The following CALN1 variants were observed in gnomAD, a reference collection of about 807,000 sequenced individuals.
The protein encoded by CALN1 is calcium-binding protein 8.
CALN1 carries 17 observed loss-of-function variants against 30.6 expected under a neutral mutation model. The ratio of observed to expected loss-of-function variants is 0.56; its 90% CI spans 0.38 to 0.83. CALN1 has a LOEUF of 0.83. Among genes scored for constraint, CALN1 ranks in the 40% least tolerant of loss-of-function variants. CALN1 has a pLI of 0.00. For synonymous variants in CALN1, 156 were observed against 131.4 expected, an observed-to-expected ratio of 1.19 and a Z score of -1.28; for missense variants, 291 against 354.9, an observed-to-expected ratio of 0.82 and a Z score of 1.45.
At chr7:71,901,575 C>T (rs1313024153) in intron 5 of CALN1, among the ~76,000 whole-genome samples, 1 of 152,042 alleles carries the variant, frequency 6.6e-6, no homozygotes, top group Non-Finnish European at 1.5e-5. Context: ...AATAGATACA[C>T]AGACCAATGG....
At position 72,317,052 on chromosome 7, in the gene CALN1, AAGAG is replaced by A. The variant is rs767747102; in HGVS notation, c.120-38246_120-38243del. ...GAGGAGGAGGGAAGAGAGAGAGAGA[AAGAG>A]AGAGAGAGAAAGAGAGACACAGAAA... On this transcript the variant is annotated intron_variant, in intron 2 of 6. Coordinates refer to ENST00000395275, the MANE Select transcript of CALN1 (RefSeq NM_031468.4). Among the ~76,000 whole-genome samples, 783 of 136,974 alleles carry A rather than the reference AAGAG, an allele frequency of 5.7e-3. 6 individuals carry two copies. Among genetic ancestry groups the A allele is most frequent in the African/African-American group, 0.015 (534 of 34,534 alleles). The allele number at this position is 136,974 out of a possible 152,430, so 89.9% of individuals were successfully genotyped here.
intron 3 of CALN1, among the ~76,000 whole-genome samples, chr7:72,116,038 A>G (rs1807962807): frequency 6.6e-6 from 1 of 152,168 alleles, no homozygotes; most frequent in African/African-American, 2.4e-5. Context: ...CATTGTGTAT[A>G]TGGACTACAT....
intron 4 of CALN1, among the ~76,000 whole-genome samples, chr7:72,027,950 G>A (rs895904699): frequency 2.2e-4 from 33 of 151,024 alleles, no homozygotes; most frequent in African/African-American, 8.0e-4. Flanking sequence ...TCCCAGCTAC[G>A]TGGGAGGCTG....
At chr7:72,433,471 CT>C (rs1261483522) in intron 1 of CALN1, among the ~76,000 whole-genome samples, 1 of 152,170 alleles carries the variant, frequency 6.6e-6, no homozygotes, top group African/African-American at 2.4e-5. Context: ...TATGCCAAGG[CT>C]GGGAGCCCTC....
At chr7:72,419,262 TCAC>T (rs1807531701) in intron 1 of CALN1, among the ~76,000 whole-genome samples, 2 of 152,194 alleles carry the variant, frequency 1.3e-5, no homozygotes, top group South Asian at 4.2e-4. Context: ...TGGATTGTGA[TCAC>T]CACAACCCAT....
chr7:71,960,171 AAATAAAT>A lies in CALN1; in HGVS notation c.501+63479_501+63485del, dbSNP rs1376779633. ...TAAATAAATAAATAAATAAATAAATAAATAAATAAATAAAATAAAATAAAAAAATAAA... is the reference window on the plus strand; with the variant it reads ...TAAATAAATAAATAAATAAATAAATAAAATAAAATAAAATAAAAAAATAAA... On this transcript the variant is annotated intron_variant, in intron 5 of 6. Transcript: ENST00000395275. 5.5e-3 allele frequency among the ~76,000 whole-genome samples: 750 copies of A among 137,158 alleles called. 9 individuals carry two copies. Among genetic ancestry groups the A allele is most frequent in the African/African-American group, 0.019 (706 of 37,486 alleles). The allele number at this position is 137,158 out of a possible 152,430, so 90.0% of individuals were successfully genotyped here.
chr7:72,172,182 C>CT (rs1289326420), intron 3 of CALN1, among the ~76,000 whole-genome samples: 1 of 152,202 alleles, frequency 6.6e-6, no homozygotes, highest in Non-Finnish European at 1.5e-5. Context: ...ACCAAAGAGT[C>CT]TGAGTTTTTA....
At chr7:72,121,481 T>A (rs2129542239) in intron 3 of CALN1, among the ~76,000 whole-genome samples, 1 of 147,496 alleles carries the variant, frequency 6.8e-6, no homozygotes, top group Non-Finnish European at 1.5e-5. Context: ...GATATATAAT[T>A]ATGTTATTTA....
intron 4 of CALN1, among the ~76,000 whole-genome samples, chr7:72,074,929 T>C (rs373612383): frequency 9.2e-5 from 14 of 152,254 alleles, no homozygotes; most frequent in South Asian, 4.1e-4. Flanking sequence ...GATCTATAAA[T>C]AAACAGAAGT....
intron 5 of CALN1, among the ~76,000 whole-genome samples, chr7:71,998,950 C>T (rs1296569696): frequency 6.6e-6 from 1 of 151,896 alleles, no homozygotes; most frequent in Non-Finnish European, 1.5e-5. Flanking sequence ...AACAAGAATC[C>T]AAGGAACCAA....
At chr7:72,456,411 G>A in the CALN1 span, among the ~76,000 whole-genome samples, 4 of 151,896 alleles carry the variant, frequency 2.6e-5, no homozygotes, top group East Asian at 1.9e-4. Flanking sequence ...GGTGGTACAC[G>A]CCTGTCAGCC....
intron 5 of CALN1, among the ~76,000 whole-genome samples, chr7:71,984,843 A>G (rs1798580280): frequency 6.6e-6 from 1 of 152,210 alleles, no homozygotes; most frequent in Non-Finnish European, 1.5e-5. Context: ...GAAATGAACC[A>G]TGGAGTTGCA....
intron 3 of CALN1, among the ~76,000 whole-genome samples, chr7:72,170,483 AAAAAG>A (rs1788860459): frequency 6.6e-6 from 1 of 152,210 alleles, no homozygotes; most frequent in South Asian, 2.1e-4. Flanking sequence ...CAAAAAGACA[AAAAAG>A]AAGTGAATGA....
chr7:72,305,126 G>C (rs1329029044), intron 2 of CALN1, among the ~76,000 whole-genome samples: 3 of 152,186 alleles, frequency 2.0e-5, no homozygotes, highest in African/African-American at 7.2e-5. Flanking sequence ...ACAGCTGGCT[G>C]TGTCAGCCAG....
upstream of CALN1, among the ~76,000 whole-genome samples, chr7:72,415,234 A>T (rs1221695529): frequency 1.3e-5 from 2 of 152,238 alleles, no homozygotes; most frequent in African/African-American, 4.8e-5. Context: ...AGGTACCTAG[A>T]TCTTTCTCCC....
intron 6 of CALN1, among the ~76,000 whole-genome samples, chr7:71,807,611 T>C (rs952650046): frequency 1.3e-5 from 2 of 152,160 alleles, no homozygotes; most frequent in Admixed American, 6.5e-5. Flanking sequence ...AAATAACAGC[T>C]TTTTTAAATG....
At chr7:71,856,756 A>T (rs1016613002) in intron 5 of CALN1, among the ~76,000 whole-genome samples, 1 of 152,096 alleles carries the variant, frequency 6.6e-6, no homozygotes, top group Non-Finnish European at 1.5e-5. Context: ...GGAGTTCAAG[A>T]CCAGGCTGGC....
chr7:72,421,115 C>T (rs2909982), intron 1 of CALN1, among the ~76,000 whole-genome samples: 135,134 of 152,158 alleles, frequency 0.89, 60,235 homozygotes, highest in East Asian at 1. Flanking sequence ...AGATTCCTTT[C>T]TTAAAAAAAT....
At chr7:72,470,522 G>A in the CALN1 span, among the ~76,000 whole-genome samples, 5 of 152,230 alleles carry the variant, frequency 3.3e-5, no homozygotes, top group East Asian at 9.6e-4. Flanking sequence ...CACTGGAAAT[G>A]TGTGAAATGG....
Sources: allele counts gnomAD v4.1 joint callset (sites outside exome capture counted in the v4.1 genomes callset), GRCh38; gene constraint gnomAD v4.1.1; transcripts MANE v1.5; gene names NCBI Gene and HGNC (gene_info 2026-07-23, HGNC 2026-07-21).